Variants in RERE observed in about 807,000 individuals in gnomAD.
RERE encodes the protein arginine-glutamic acid dipeptide repeats.
In RERE, 40 loss-of-function variants were observed where a neutral mutation model predicts 146.1. That is an observed-to-expected ratio of 0.27 (90% CI 0.21 to 0.36). The LOEUF (loss-of-function observed/expected upper bound fraction) is 0.36, where lower values mean the gene tolerates loss of function less well. RERE is among the 10% of genes least tolerant of loss of function. The pLI is 1.00. For synonymous variants in RERE, 1,003 were observed against 866.0 expected (o/e 1.16, Z -2.78); for missense variants, 1,933 against 2,138.7 (o/e 0.90, Z 1.90).
chr1:8,629,867 T>C lies in RERE; in HGVS notation c.326-5487A>G, dbSNP rs1044613067. On this transcript the variant is annotated intron_variant, in intron 2 of 22. Transcript: ENST00000400908. ...GCAAAGCATGGCAGTGCCACTCTGA[T>C]ATAATTTCCAATAGAAAACCCCATT... Among the ~76,000 whole-genome samples, 3 of 152,360 alleles carry C rather than the reference T, an allele frequency of 2.0e-5. No individual in the cohort carries two copies. In the South Asian group the frequency reaches 6.2e-4, roughly 32 times the overall value.
In RERE at chr1:8,699,752, C is replaced by T. The variant is rs567267247; in HGVS notation, c.-144-43311G>A. Among the ~76,000 whole-genome samples the T allele has an allele frequency of 2.0e-5, 3 of 152,276 alleles. No homozygotes were observed. In the East Asian group the frequency reaches 5.8e-4, roughly 29 times the overall value. On this transcript the variant is annotated intron_variant, in intron 1 of 22. Transcript: ENST00000400908. ...AAATTATCACGTTTTCTAGAAAATA[C>T]TGCACTCTACTGCTTCATTCCAGGT...
intron 7 of RERE, among the ~76,000 whole-genome samples, chr1:8,514,157 A>C (rs1645379945): frequency 6.6e-6 from 1 of 152,270 alleles, no homozygotes; most frequent in South Asian, 2.1e-4. Flanking sequence ...TGAAAGTTCA[A>C]ATCTTAGCCT....
At chr1:8,492,854 G>A (rs185214573) in intron 10 of RERE, among the ~76,000 whole-genome samples, 57 of 152,276 alleles carry the variant, frequency 3.7e-4, no homozygotes, top group Non-Finnish European at 7.2e-4. Context: ...AGGCTGCAGT[G>A]AGCCAAGACT....
chr1:8,555,823 T>C (rs1646000544), intron 6 of RERE, among the ~76,000 whole-genome samples: 1 of 152,154 alleles, frequency 6.6e-6, no homozygotes, highest in African/African-American at 2.4e-5. Context: ...TCTGAAGACA[T>C]TATGACTGGC....
chr1:8,564,826 A>ATATGTATGTGTGTGTGTG (rs1384858524), intron 4 of RERE, among the ~76,000 whole-genome samples: 1 of 117,838 alleles, frequency 8.5e-6, no homozygotes, highest in African/African-American at 3.5e-5. Flanking sequence ...GTGTGTGTAT[A>ATATGTATGTGTGTGTGTG]TGTGTATGTG....
intron 10 of RERE, among the ~76,000 whole-genome samples, chr1:8,486,755 T>TA (rs33956517): frequency 0.22 from 27,246 of 122,268 alleles, 3,217 homozygotes; most frequent in Middle Eastern, 0.31. Context: ...GAGTCCATCT[T>TA]AAAAAAAAAA....
intron 1 of RERE, among the ~76,000 whole-genome samples, chr1:8,656,805 A>G (rs1481608581): frequency 6.6e-6 from 1 of 152,214 alleles, no homozygotes; most frequent in African/African-American, 2.4e-5. Context: ...TAAAGAGGAA[A>G]GAATCTGTAG....
At chr1:8,528,900 A>G (rs1014828346) in intron 7 of RERE, among the ~76,000 whole-genome samples, 1 of 152,180 alleles carries the variant, frequency 6.6e-6, no homozygotes, top group South Asian at 2.1e-4. Context: ...TGTGCATGAA[A>G]CAAGGTTTTG....
At chr1:8,590,626 A>G (rs1038765361) in intron 4 of RERE, among the ~76,000 whole-genome samples, 2 of 152,244 alleles carry the variant, frequency 1.3e-5, no homozygotes, top group African/African-American at 4.8e-5. Context: ...ATGCTGCTGG[A>G]AATAGTATAC....
At chr1:8,405,337 C>T (rs1315682104) in intron 12 of RERE, among the ~76,000 whole-genome samples, 2 of 152,086 alleles carry the variant, frequency 1.3e-5, no homozygotes, top group Non-Finnish European at 2.9e-5. Context: ...GCAGCAGTAA[C>T]CACCCCCGAA....
chr1:8,547,087 T>A (rs1150397), intron 6 of RERE, among the ~76,000 whole-genome samples: 114,988 of 143,188 alleles, frequency 0.8, 44,948 homozygotes, highest in East Asian at 0.88. Context: ...GCTTTTTTTT[T>A]AAAAAAAAAA....
intron 7 of RERE, among the ~76,000 whole-genome samples, chr1:8,534,500 A>T (rs1187903964): frequency 6.6e-6 from 1 of 152,164 alleles, no homozygotes; most frequent in Non-Finnish European, 1.5e-5. Context: ...CGCACTCCCT[A>T]GCTCTGTTTC....
intron 4 of RERE, among the ~76,000 whole-genome samples, chr1:8,585,293 G>A (rs758767908): frequency 5.3e-5 from 8 of 152,136 alleles, no homozygotes; most frequent in Non-Finnish European, 1.2e-4. Flanking sequence ...GGATTTAAAT[G>A]AGACAGCGTG....
chr1:8,364,730 T>C lies in RERE; in HGVS notation c.1540+16A>G. 1 of 1,597,542 alleles carries C rather than the reference T, an allele frequency of 6.3e-7. No individual in the cohort carries two copies. Among genetic ancestry groups the C allele is most frequent in the Non-Finnish European group, 8.6e-7 (1 of 1,164,992 alleles). ...GTGCCCCCGCCCCGCCCCAGGAGCG[T>C]GACGAGGCCACTTACTGGTGGTGAA... is the stretch of plus-strand genomic sequence containing the variant. On this transcript the variant is annotated intron_variant, in intron 14 of 22. Transcript: ENST00000400908. This position sits in a 1 kb window ranked among gnomAD's most constrained non-coding sequence, Gnocchi z 5.1.
At chr1:8,689,647 TGA>T (rs1289900648) in intron 1 of RERE, among the ~76,000 whole-genome samples, 13 of 152,044 alleles carry the variant, frequency 8.6e-5, no homozygotes. Context: ...ATGTGAGAAG[TGA>T]GAGAGTTCTT....
intron 12 of RERE, among the ~76,000 whole-genome samples, chr1:8,403,692 T>C (rs959535728): frequency 3.9e-5 from 6 of 152,100 alleles, no homozygotes; most frequent in African/African-American, 1.4e-4. Context: ...CATAATCAGC[T>C]TTTGATTTAA....
chr1:8,468,254 T>C (rs1372363537), intron 10 of RERE, among the ~76,000 whole-genome samples: 1 of 152,224 alleles, frequency 6.6e-6, no homozygotes, highest in African/African-American at 2.4e-5. Flanking sequence ...AATAAAATAC[T>C]ATTATGATTT....
intron 1 of RERE, among the ~76,000 whole-genome samples, chr1:8,709,540 A>G (rs1235419816): frequency 6.6e-6 from 1 of 152,206 alleles, no homozygotes; most frequent in Non-Finnish European, 1.5e-5. Context: ...ACATATACAT[A>G]AAAACATATG....
At chr1:8,569,268 A>G (rs1448953913) in intron 4 of RERE, among the ~76,000 whole-genome samples, 3 of 152,060 alleles carry the variant, frequency 2.0e-5, no homozygotes, top group Non-Finnish European at 4.4e-5. Context: ...AAAAAAAAAA[A>G]AAAAAGAGTA....
Sources: gnomAD v4.1 joint callset for allele counts (sites outside exome capture counted in the v4.1 genomes callset) on GRCh38, gnomAD v4.1.1 for gene constraint, Gnocchi (gnomAD v3.1) non-coding constraint, MANE v1.5 for transcripts, NCBI Gene and HGNC (gene_info 2026-07-23, HGNC 2026-07-21) for gene names.